KHDRBS2: variants seen among roughly 807,000 people sequenced by gnomAD.
The protein encoded by KHDRBS2 is KH RNA binding domain containing, signal transduction associated 2.
KHDRBS2 carries 26 observed loss-of-function variants against 44.3 expected under a neutral mutation model. That is an observed-to-expected ratio of 0.59 (90% CI 0.43 to 0.81). KHDRBS2 has a LOEUF of 0.81. Among genes scored for constraint, KHDRBS2 ranks in the 40% least tolerant of loss-of-function variants. The pLI is 0.00. For missense variants in KHDRBS2, 476 were observed against 433.1 expected, an observed-to-expected ratio of 1.10 and a Z score of -0.88; for synonymous variants, 194 against 151.1, an observed-to-expected ratio of 1.28 and a Z score of -2.08.
At chr6:61,948,772 A>G (rs1294557194) in intron 4 of KHDRBS2, among the ~76,000 whole-genome samples, 1 of 151,296 alleles carries the variant, frequency 6.6e-6, no homozygotes, top group Non-Finnish European at 1.5e-5. Flanking sequence ...TCAGCCTCCC[A>G]TGTAGCTGGA....
intron 4 of KHDRBS2, among the ~76,000 whole-genome samples, chr6:61,904,541 T>A (rs1804618235): frequency 1.3e-5 from 2 of 152,232 alleles, no homozygotes; most frequent in African/African-American, 4.8e-5. Context: ...CTTCAGTTGC[T>A]GTGCTCTAAA....
intron 6 of KHDRBS2, among the ~76,000 whole-genome samples, chr6:61,765,995 T>C (rs1349775006): frequency 6.6e-6 from 1 of 152,136 alleles, no homozygotes; most frequent in African/African-American, 2.4e-5. Context: ...ACTTGCCTCA[T>C]AGGATGAATT....
intron 4 of KHDRBS2, among the ~76,000 whole-genome samples, chr6:61,956,384 T>C (rs1308869198): frequency 6.6e-6 from 1 of 152,202 alleles, no homozygotes; most frequent in Non-Finnish European, 1.5e-5. Flanking sequence ...CATCTCATGA[T>C]TCACTGACAA....
intron 6 of KHDRBS2, among the ~76,000 whole-genome samples, chr6:61,808,240 C>A (rs1414081610): frequency 6.6e-6 from 1 of 152,016 alleles, no homozygotes; most frequent in African/African-American, 2.4e-5. Context: ...AAGTAGAATT[C>A]ATTTTCAAGG....
In KHDRBS2 at chr6:61,680,938, G is replaced by T; in HGVS notation, c.*25C>A. 1 of 1,437,716 alleles carries T rather than the reference G, an allele frequency of 7.0e-7. No individual in the cohort carries two copies. The highest frequency in any genetic ancestry group is 9.8e-7 in the Non-Finnish European group (1 of 1,024,134). The allele number at this position is 1,437,716 out of a possible 1,614,324, so 89.1% of individuals were successfully genotyped here. A position where few individuals can be genotyped will look rare whatever the true frequency, so the allele number is the denominator to read the frequency against. On this transcript the variant is annotated 3_prime_UTR_variant, in exon 9 of 9. Transcript: ENST00000281156. ...CCACAGGCTATGAATTGTCTTTGAG[G>T]TGAGGTCACAGGTGGGAAGGACCTT...
intron 1 of KHDRBS2, among the ~76,000 whole-genome samples, chr6:62,236,798 T>C (rs1041247600): frequency 6.6e-6 from 1 of 152,190 alleles, no homozygotes; most frequent in Non-Finnish European, 1.5e-5. Context: ...CATGGCATGA[T>C]GCTAAACATG....
chr6:62,167,342 A>G (rs927672001), intron 2 of KHDRBS2, among the ~76,000 whole-genome samples: 1 of 152,146 alleles, frequency 6.6e-6, no homozygotes, highest in Admixed American at 6.6e-5. Flanking sequence ...GCATGACTCA[A>G]TGTGGGATGA....
chr6:61,886,361 C>G (rs1210281159), intron 6 of KHDRBS2, among the ~76,000 whole-genome samples: 2 of 152,124 alleles, frequency 1.3e-5, no homozygotes, highest in South Asian at 2.1e-4. Context: ...CTTTTACCAT[C>G]CCTTCTGCAT....
chr6:61,937,554 T>G (rs1456487032), intron 4 of KHDRBS2, among the ~76,000 whole-genome samples: 1 of 152,082 alleles, frequency 6.6e-6, no homozygotes, highest in Non-Finnish European at 1.5e-5. Flanking sequence ...ATTTCTTCTT[T>G]GAAAACTTCT....
At chr6:61,901,418 T>C (rs112773937) in intron 4 of KHDRBS2, 47 bp from the exon 5 acceptor site, 1 of 1,478,632 alleles carries the variant, frequency 6.8e-7, no homozygotes, top group Non-Finnish European at 9.1e-7. Context: ...GACATGCCGT[T>C]CTCAGAGTTG....
chr6:61,714,319 G>A (rs900285174), intron 7 of KHDRBS2, among the ~76,000 whole-genome samples: 23 of 151,798 alleles, frequency 1.5e-4, no homozygotes, highest in African/African-American at 5.6e-4. Context: ...TTAGAGAAAT[G>A]CAAATTAAAA....
chr6:62,030,477 G>C (rs1178762157), intron 3 of KHDRBS2, among the ~76,000 whole-genome samples: 1 of 151,986 alleles, frequency 6.6e-6, no homozygotes, highest in African/African-American at 2.4e-5. Flanking sequence ...TCTTACTAGG[G>C]AATGAGAATC....
intron 2 of KHDRBS2, among the ~76,000 whole-genome samples, chr6:62,103,247 A>G (rs1451740512): frequency 6.6e-6 from 1 of 152,074 alleles, no homozygotes; most frequent in Non-Finnish European, 1.5e-5. Flanking sequence ...CCTCCCACCT[A>G]GAAACCTGTC....
chr6:61,793,895 G>T lies in KHDRBS2; in HGVS notation c.811-61131C>A, dbSNP rs1784966351. On this transcript the variant is annotated intron_variant, in intron 6 of 8. Coordinates refer to ENST00000281156, the MANE Select transcript of KHDRBS2 (RefSeq NM_152688.4). The stretch of plus-strand genomic sequence containing the variant: ...TGTAGTGTTATCTTTGAATTAGAGG[G>T]GTGTTAATGCCATATATTATGATAA... 2.6e-5 allele frequency among the ~76,000 whole-genome samples: 4 copies of T among 152,082 alleles called. No homozygotes were observed. In the South Asian group the frequency reaches 6.2e-4, roughly 24 times the overall value.
At chr6:61,817,093 T>A in intron 6 of KHDRBS2, 1 of 389,752 alleles carries the variant, frequency 2.6e-6, no homozygotes, top group Non-Finnish European at 5.3e-6. Context: ...CACAAAGCAA[T>A]CACATTTCTC....
chr6:61,736,235 C>CACACACAT (rs1163072370), intron 6 of KHDRBS2, among the ~76,000 whole-genome samples: 1 of 151,166 alleles, frequency 6.6e-6, no homozygotes, highest in Non-Finnish European at 1.5e-5. Flanking sequence ...CACACACACA[C>CACACACAT]ACACACACAC....
At chr6:62,087,506 A>G (rs1191622871) in intron 2 of KHDRBS2, among the ~76,000 whole-genome samples, 1 of 152,210 alleles carries the variant, frequency 6.6e-6, no homozygotes, top group Non-Finnish European at 1.5e-5. Context: ...AAAAAAAGAT[A>G]TTAAATAAAA....
chr6:61,707,944 T>A (rs911609631), intron 7 of KHDRBS2, among the ~76,000 whole-genome samples: 2 of 151,640 alleles, frequency 1.3e-5, no homozygotes, highest in African/African-American at 4.8e-5. Flanking sequence ...TATAATAAAA[T>A]CACAGGTGCC....
At chr6:62,065,397 T>C (rs895510029) in intron 2 of KHDRBS2, among the ~76,000 whole-genome samples, 12 of 151,656 alleles carry the variant, frequency 7.9e-5, no homozygotes, top group African/African-American at 2.7e-4. Context: ...TGTCCAACAA[T>C]GATAGACTGG....
Sources: gnomAD v4.1 joint callset for allele counts (sites outside exome capture counted in the v4.1 genomes callset) on GRCh38, gnomAD v4.1.1 for gene constraint, MANE v1.5 for transcripts, NCBI Gene and HGNC (gene_info 2026-07-23, HGNC 2026-07-21) for gene names.